Variants in CATSPERB observed in about 807,000 individuals in gnomAD.
CATSPERB encodes cation channel sperm-associated auxiliary subunit beta.
Under a neutral mutation model 128.3 loss-of-function variants are expected in CATSPERB, and 93 were observed. The observed-to-expected ratio is 0.72, with a 90% CI of 0.61 to 0.86. CATSPERB has a LOEUF of 0.86. CATSPERB is among the 40% of genes least tolerant of loss of function. The pLI, the probability that CATSPERB is intolerant of heterozygous loss-of-function variation, is 0.00. For missense variants in CATSPERB, 1,153 were observed against 1,329.5 expected (o/e 0.87, Z 2.06); for synonymous variants, 381 against 448.8 (o/e 0.85, Z 1.91).
chr14:91,611,412 C>A (rs1361657644), intron 20 of CATSPERB, among the ~76,000 whole-genome samples: 1 of 152,126 alleles, frequency 6.6e-6, no homozygotes, highest in South Asian at 2.1e-4. Context: ...GAGTTCAAGA[C>A]CAGCCTGGCC....
intron 19 of CATSPERB, among the ~76,000 whole-genome samples, chr14:91,620,360 T>A (rs181852582): frequency 6.6e-6 from 1 of 152,224 alleles, no homozygotes; most frequent in Admixed American, 6.5e-5. Context: ...GTTGTCTCAC[T>A]GCCTTATGAT....
At chr14:91,666,264 G>C (rs1415244068) in intron 14 of CATSPERB, among the ~76,000 whole-genome samples, 1 of 152,216 alleles carries the variant, frequency 6.6e-6, no homozygotes, top group East Asian at 1.9e-4. Flanking sequence ...CTTGCCCTAA[G>C]ACATTAAAAC....
rs527290170 is a variant in CATSPERB, at chr14:91,598,774, C to T, written c.2710-6772G>A. 3.5e-5 allele frequency among the ~76,000 whole-genome samples: 5 copies of T among 143,148 alleles called. No individual in the cohort carries two copies. The South Asian group carries it at 1.1e-3, about 33-fold the overall frequency. 93.9% of individuals were successfully genotyped at this position (143,148 alleles called of 152,430 possible). On this transcript the variant is annotated intron_variant, in intron 22 of 26. Coordinates refer to ENST00000256343, the MANE Select transcript of CATSPERB (RefSeq NM_024764.4). The stretch of plus-strand genomic sequence containing the variant: ...TTGGGAGGCTGAGGCAGGGGAATGG[C>T]GTGAACCTGGGAGGTGGAGCTTGCA...
At chr14:91,671,140 T>C (rs1895080723) in intron 13 of CATSPERB, among the ~76,000 whole-genome samples, 1 of 152,002 alleles carries the variant, frequency 6.6e-6, no homozygotes, top group South Asian at 2.1e-4. Flanking sequence ...TGACAGAAAT[T>C]CCTCCTTGGG....
intron 4 of CATSPERB, among the ~76,000 whole-genome samples, chr14:91,720,637 T>C (rs1318660473): frequency 2.0e-5 from 3 of 152,118 alleles, no homozygotes; most frequent in Non-Finnish European, 4.4e-5. Flanking sequence ...AGACTTAATA[T>C]TAGTAAAATG....
chr14:91,667,833 G>A (rs1174419303), intron 14 of CATSPERB, among the ~76,000 whole-genome samples: 1 of 152,192 alleles, frequency 6.6e-6, no homozygotes, highest in Non-Finnish European at 1.5e-5. Flanking sequence ...CTGGAGTTGG[G>A]CAACATGACT....
intron 22 of CATSPERB, among the ~76,000 whole-genome samples, chr14:91,602,194 T>C (rs1401535532): frequency 2.6e-5 from 4 of 152,186 alleles, no homozygotes. Flanking sequence ...ATTGCTTAGC[T>C]TGGTATTTTT....
rs533836299 is a variant in CATSPERB, at chr14:91,674,159, A to C, written c.978+17T>G. On this transcript the variant is annotated intron_variant, in intron 12 of 26. Coordinates refer to ENST00000256343, the MANE Select transcript of CATSPERB (RefSeq NM_024764.4). Reference sequence around the variant, plus strand: ...CACAACAAAATTTCTTAACTTATAAAATATTCAATATCATACCTCACTTAG... The same window carrying C: ...CACAACAAAATTTCTTAACTTATAACATATTCAATATCATACCTCACTTAG... 22 of 1,419,738 alleles carry C rather than the reference A, an allele frequency of 1.5e-5. No homozygotes were observed. The highest frequency in any genetic ancestry group is 2.2e-5 in the Non-Finnish European group (22 of 1,022,510). The allele number at this position is 1,419,738 out of a possible 1,614,324, so 87.9% of individuals were successfully genotyped here.
At chr14:91,682,315 G>C (rs1177440276) in intron 11 of CATSPERB, among the ~76,000 whole-genome samples, 2 of 152,080 alleles carry the variant, frequency 1.3e-5, no homozygotes, top group East Asian at 3.9e-4. Context: ...TCCACCTTGG[G>C]ATATGCTGTA....
chr14:91,639,766 A>G (rs1437191735), intron 15 of CATSPERB, among the ~76,000 whole-genome samples: 4 of 152,182 alleles, frequency 2.6e-5, no homozygotes, highest in Non-Finnish European at 5.9e-5. Flanking sequence ...TTAGCCAAAC[A>G]GACACTGGTC....
In CATSPERB at chr14:91,671,523, C is replaced by T. The variant is rs932694879; in HGVS notation, c.1128+1344G>A. Among the ~76,000 whole-genome samples, 7 of 151,378 alleles carry T rather than the reference C, an allele frequency of 4.6e-5. No individual in the cohort carries two copies. The East Asian group carries it at 1.2e-3, about 25-fold the overall frequency. Reference sequence around the variant, plus strand: ...CTGGGAGGCAGAGGTTGCAGTGCGCCGAGGTTGCAGTGAGCCAAGATTGCA... The same window carrying T: ...CTGGGAGGCAGAGGTTGCAGTGCGCTGAGGTTGCAGTGAGCCAAGATTGCA... On this transcript the variant is annotated intron_variant, in intron 13 of 26. Transcript: ENST00000256343.
intron 22 of CATSPERB, among the ~76,000 whole-genome samples, chr14:91,599,545 CA>C (rs36175924): frequency 6.8e-4 from 77 of 113,942 alleles, no homozygotes; most frequent in Non-Finnish European, 7.4e-4. Flanking sequence ...GGCGGCAGAG[CA>C]AAAAAAAAAA....
chr14:91,673,874 T>C (rs962559694), intron 12 of CATSPERB, among the ~76,000 whole-genome samples: 19 of 136,290 alleles, frequency 1.4e-4, no homozygotes, highest in African/African-American at 5.1e-4. Flanking sequence ...AGAGCGAGAC[T>C]CTGTCTCAAA....
At chr14:91,603,213 A>G (rs528493033) in intron 22 of CATSPERB, 2 of 839,256 alleles carry the variant, frequency 2.4e-6, no homozygotes, top group South Asian at 2.6e-5. Context: ...TGTTTCAATA[A>G]AATAGGGCAT....
chr14:91,630,015 C>T (rs1200008171), intron 17 of CATSPERB, among the ~76,000 whole-genome samples: 1 of 152,178 alleles, frequency 6.6e-6, no homozygotes, highest in Non-Finnish European at 1.5e-5. Flanking sequence ...TGTGCCATTT[C>T]CCCAGCCCAG....
At chr14:91,660,893 G>A (rs941334929) in intron 14 of CATSPERB, among the ~76,000 whole-genome samples, 1 of 152,182 alleles carries the variant, frequency 6.6e-6, no homozygotes, top group Admixed American at 6.5e-5. Flanking sequence ...AATAGAATAT[G>A]TACAGTACTG....
chr14:91,624,027 T>A (rs569649409), intron 18 of CATSPERB, among the ~76,000 whole-genome samples: 3 of 152,116 alleles, frequency 2.0e-5, no homozygotes, highest in South Asian at 2.1e-4. Context: ...ATCAATGAAG[T>A]TATAGCTATA....
At chr14:91,695,583 A>G (rs1189174382) in intron 7 of CATSPERB, among the ~76,000 whole-genome samples, 1 of 152,174 alleles carries the variant, frequency 6.6e-6, no homozygotes, top group African/African-American at 2.4e-5. Context: ...GTTACAGGCT[A>G]CTCTCTGTGA....
chr14:91,683,805 G>T, intron 11 of CATSPERB, 72 bp downstream of exon 11: 1 of 961,364 alleles, frequency 1.0e-6, no homozygotes. Flanking sequence ...CCATTCCAAA[G>T]GCTGAGCTTG....
Sources: gnomAD v4.1 joint callset for allele counts (sites outside exome capture counted in the v4.1 genomes callset) on GRCh38, gnomAD v4.1.1 for gene constraint, MANE v1.5 for transcripts, NCBI Gene and HGNC (gene_info 2026-07-23, HGNC 2026-07-21) for gene names.